RYR3: variants seen among roughly 807,000 people sequenced by gnomAD.
The protein encoded by RYR3 is brain ryanodine receptor-calcium release channel.
Under a neutral mutation model 584.3 loss-of-function variants are expected in RYR3, and 207 were observed. The ratio of observed to expected loss-of-function variants is 0.35; its 90% CI spans 0.32 to 0.40. The LOEUF (loss-of-function observed/expected upper bound fraction) is 0.40. Among genes scored for constraint, RYR3 ranks in the 10% least tolerant of loss-of-function variants. RYR3 has a pLI of 1.00. For missense variants in RYR3, 5,616 were observed against 6,089.2 expected (o/e 0.92, Z 2.59); for synonymous variants, 2,416 against 2,248.5 (o/e 1.07, Z -2.11).
chr15:33,693,525 A>G (rs1311486146), intron 38 of RYR3, among the ~76,000 whole-genome samples: 1 of 152,270 alleles, frequency 6.6e-6, no homozygotes, highest in Non-Finnish European at 1.5e-5. Context: ...ATCGAGAAGC[A>G]TAAGAGGCAT....
At chr15:33,561,359 G>A (rs2057388764) in intron 10 of RYR3, among the ~76,000 whole-genome samples, 1 of 152,200 alleles carries the variant, frequency 6.6e-6, no homozygotes, top group Non-Finnish European at 1.5e-5. Context: ...TCTGAGCAGG[G>A]TTTTGAAGGG....
intron 30 of RYR3, among the ~76,000 whole-genome samples, chr15:33,648,382 C>T (rs906341846): frequency 6.6e-6 from 1 of 152,126 alleles, no homozygotes; most frequent in Non-Finnish European, 1.5e-5. Flanking sequence ...AATGAATCTG[C>T]TCAGTTTCAT....
chr15:33,675,416 T>G (rs1469773024), intron 38 of RYR3, among the ~76,000 whole-genome samples: 2 of 152,246 alleles, frequency 1.3e-5, no homozygotes, highest in South Asian at 2.1e-4. Flanking sequence ...CGCCCATCCT[T>G]GTCACTTATG....
At chr15:33,341,915 G>A (rs538066541) in intron 1 of RYR3, among the ~76,000 whole-genome samples, 1 of 152,286 alleles carries the variant, frequency 6.6e-6, no homozygotes, top group East Asian at 1.9e-4. Flanking sequence ...ACTTTCAGAG[G>A]AGGAAACTGA....
Position 33,384,326 on chromosome 15 carries a change from G to A in RYR3, c.51+73230G>A, listed in dbSNP as rs2041413703. On this transcript the variant is annotated intron_variant, in intron 1 of 103. Transcript: ENST00000634891. ...AGTCTACTAAATAATGCAGGCCAGAGGCATCCGGGTTTTGCCTGAATTATC... is the reference window on the plus strand; with the variant it reads ...AGTCTACTAAATAATGCAGGCCAGAAGCATCCGGGTTTTGCCTGAATTATC... Among the ~76,000 whole-genome samples, 3 of 151,816 alleles carry A rather than the reference G, an allele frequency of 2.0e-5. No individual in the cohort carries two copies. The South Asian group carries it at 6.2e-4, about 31-fold the overall frequency.
At chr15:33,691,839 T>C (rs1270020094) in intron 38 of RYR3, among the ~76,000 whole-genome samples, 1 of 152,230 alleles carries the variant, frequency 6.6e-6, no homozygotes, top group Non-Finnish European at 1.5e-5. Context: ...ATAAAAAATA[T>C]AGTTGGGTGC....
chr15:33,384,650 T>A lies in RYR3; in HGVS notation c.51+73554T>A, dbSNP rs187162744. 2.1e-5 allele frequency among the ~76,000 whole-genome samples: 3 copies of A among 140,900 alleles called. No individual in the cohort carries two copies. In the Admixed American group the frequency reaches 2.3e-4, roughly 11 times the overall value. 92.4% of individuals were successfully genotyped at this position (140,900 alleles called of 152,430 possible). A position where few individuals can be genotyped will look rare whatever the true frequency, so the allele number is the denominator to read the frequency against. ...TGTGGAATAACTACATAAATTTAAT[T>A]AACCTATCCCTTACTTCACATACTT... On this transcript the variant is annotated intron_variant, in intron 1 of 103. Transcript: ENST00000634891.
Position 33,672,031 on chromosome 15 carries a change from C to A in RYR3, c.5860+1475C>A, listed in dbSNP as rs1015845963. ...GTTTCATCATGTTGGCCAGGTTGGT[C>A]TCGAACTTTTGACCTCAAGCAGTCT... On this transcript the variant is annotated intron_variant, in intron 38 of 103. Transcript: ENST00000634891. Among the ~76,000 whole-genome samples the A allele has an allele frequency of 2.0e-5, 3 of 151,984 alleles. No homozygotes were observed. In the East Asian group the frequency reaches 5.8e-4, roughly 29 times the overall value.
chr15:33,768,495 T>C (rs928767467), intron 60 of RYR3, among the ~76,000 whole-genome samples, 163 bp from the exon 61 acceptor site: 1 of 152,270 alleles, frequency 6.6e-6, no homozygotes, highest in Non-Finnish European at 1.5e-5. Flanking sequence ...CACATGTTCC[T>C]GAGTGTGGAC....
At chr15:33,326,888 G>T (rs1969769589) in intron 1 of RYR3, among the ~76,000 whole-genome samples, 1 of 152,096 alleles carries the variant, frequency 6.6e-6, no homozygotes, top group South Asian at 2.1e-4. Flanking sequence ...TATAGACATA[G>T]ATTATGAAGG....
chr15:33,793,334 G>A (rs1420434003), intron 67 of RYR3, among the ~76,000 whole-genome samples: 1 of 152,050 alleles, frequency 6.6e-6, no homozygotes. Context: ...TAAATCACTG[G>A]CCATTGGTGA....
At chr15:33,602,733 CTTTTTTTTTTTTTTTTTTTTT>C (rs10578832) in intron 17 of RYR3, among the ~76,000 whole-genome samples, 1 of 75,200 alleles carries the variant, frequency 1.3e-5, no homozygotes, top group Non-Finnish European at 2.3e-5. Flanking sequence ...TTTTTCTAGT[CTTTTTTTTTTTTTTTTTTTTT>C]TTTTTTTTGG....
intron 3 of RYR3, 145 bp downstream of exon 3, chr15:33,503,883 T>G: frequency 3.2e-6 from 2 of 624,028 alleles, no homozygotes. Context: ...TCTCCCTGAG[T>G]TGAGTTGGTG....
At chr15:33,464,507 T>TACACAC (rs60729541) in intron 1 of RYR3, among the ~76,000 whole-genome samples, 14 of 121,036 alleles carry the variant, frequency 1.2e-4, no homozygotes, top group East Asian at 8.0e-4. Context: ...TATATATACA[T>TACACAC]ACACATACAC....
intron 1 of RYR3, among the ~76,000 whole-genome samples, chr15:33,370,406 G>T (rs886569561): frequency 6.6e-6 from 1 of 152,060 alleles, no homozygotes; most frequent in Non-Finnish European, 1.5e-5. Context: ...ACTTTTACTG[G>T]CACAGAACAC....
At chr15:33,523,489 C>A (rs903866232) in intron 3 of RYR3, among the ~76,000 whole-genome samples, 1 of 152,092 alleles carries the variant, frequency 6.6e-6, no homozygotes, top group South Asian at 2.1e-4. Context: ...GCAAGGTCTG[C>A]GGCTTCATTC....
Position 33,810,562 on chromosome 15 carries a change from A to G in RYR3, c.10110A>G (p.Ala3370=). ...TCCAGACCTCCCTCATCGTGGCTGC[A>G]CTCAAGAAAATGCTGCCCATTGGTT... ...YSIQTSLIVA[A]LKKMLPIGLN... is the part of the protein sequence containing the mutation. The change falls in exon 71 of 104, where the codon GCA becomes GCG. Residue 3370 remains alanine, a synonymous_variant. Coordinates refer to ENST00000634891, the MANE Select transcript of RYR3 (RefSeq NM_001036.6). The G allele has an allele frequency of 1.2e-6, 2 of 1,614,030 alleles. No individual in the cohort carries two copies. The highest frequency in any genetic ancestry group is 1.7e-6 in the Non-Finnish European group (2 of 1,179,898).
chr15:33,810,447 C>CCCT (rs770074949), intron 70 of RYR3, 32 bp from the exon 71 acceptor site: 19 of 1,610,768 alleles, frequency 1.2e-5, no homozygotes, highest in Non-Finnish European at 3.4e-6. Flanking sequence ...ATCACTGAAC[C>CCCT]CCTCTCTGTT....
intron 1 of RYR3, among the ~76,000 whole-genome samples, chr15:33,364,968 A>G (rs1001294754): frequency 2.0e-5 from 3 of 152,322 alleles, no homozygotes; most frequent in Non-Finnish European, 4.4e-5. Context: ...GGTATATAAG[A>G]ACAGCTTTCT....
Sources: allele counts gnomAD v4.1 joint callset (sites outside exome capture counted in the v4.1 genomes callset), GRCh38; gene constraint gnomAD v4.1.1; transcripts MANE v1.5; gene names NCBI Gene and HGNC (gene_info 2026-07-23, HGNC 2026-07-21).